TVP23A: variants seen among roughly 807,000 people sequenced by gnomAD.
The protein encoded by TVP23A is trans-golgi network vesicle protein 23 homolog A, also known as Golgi apparatus membrane protein TVP23 homolog A.
A neutral mutation model predicts 31.7 loss-of-function variants in TVP23A; 21 were observed. That is an observed-to-expected ratio of 0.66 (90% CI 0.47 to 0.95). TVP23A has a LOEUF of 0.95. TVP23A is among the 40% of genes least tolerant of loss of function. The probability of loss-of-function intolerance (pLI) is 0.00; values close to 1 mark genes in which losing one functional copy is unlikely to be tolerated. For missense variants in TVP23A, 279 were observed against 255.6 expected (o/e 1.09, Z -0.62); for synonymous variants, 104 against 96.0 (o/e 1.08, Z -0.49).
At chr16:10,816,156 G>A (rs1039717257) in intron 2 of TVP23A, among the ~76,000 whole-genome samples, 1 of 146,868 alleles carries the variant, frequency 6.8e-6, no homozygotes, top group African/African-American at 2.5e-5. Context: ...GAACCCAAAA[G>A]TTTGAGGTTC....
At chr16:10,783,631 G>A (rs575017335) in intron 2 of TVP23A, among the ~76,000 whole-genome samples, 24 of 152,084 alleles carry the variant, frequency 1.6e-4, no homozygotes, top group Admixed American at 6.5e-4. Context: ...AGCCAAGATC[G>A]CACCACTGCA....
At chr16:10,782,194 T>C (rs1422985033) in intron 2 of TVP23A, among the ~76,000 whole-genome samples, 1 of 152,024 alleles carries the variant, frequency 6.6e-6, no homozygotes, top group African/African-American at 2.4e-5. Context: ...TCAGCTGTCA[T>C]CAGACCCTCA....
intron 2 of TVP23A, among the ~76,000 whole-genome samples, chr16:10,802,480 A>G (rs2033749085): frequency 6.6e-6 from 1 of 151,950 alleles, no homozygotes; most frequent in Non-Finnish European, 1.5e-5. Flanking sequence ...GGGTTTTGCC[A>G]TGTTGGCCAG....
chr16:10,818,204 G>A lies in TVP23A; in HGVS notation c.10-22C>T, dbSNP rs749265617. ...GGGCCTGGGAGGAGAGCAAGGGCAG[G>A]TGGCAGGCCCAAGCACGGCGCACAC... On this transcript the variant is annotated intron_variant, in intron 1 of 7. Transcript: ENST00000299866. This position sits in a 1 kb window ranked among gnomAD's most constrained non-coding sequence, Gnocchi z 4.7. 8.8e-6 allele frequency: 14 copies of A among 1,587,344 alleles called. No individual in the cohort carries two copies. The East Asian group carries it at 2.3e-4, about 26-fold the overall frequency.
In TVP23A at chr16:10,818,760, C is replaced by T. The variant is rs896912542; in HGVS notation, c.-267G>A. On this transcript the variant is annotated 5_prime_UTR_variant, in exon 1 of 8. Coordinates refer to ENST00000299866, the MANE Select transcript of TVP23A (RefSeq NM_001079512.4). This position sits in a 1 kb window ranked among gnomAD's most constrained non-coding sequence, Gnocchi z 4.7. ...GAAAGCGGCGGCAGGGAGGCAACGGCCTGGGGAACTGCGGACAGAGATAGT... is the reference window on the plus strand; with the variant it reads ...GAAAGCGGCGGCAGGGAGGCAACGGTCTGGGGAACTGCGGACAGAGATAGT... 3.3e-5 allele frequency: 16 copies of T among 485,708 alleles called. No individual in the cohort carries two copies. Among genetic ancestry groups the T allele is most frequent in the Non-Finnish European group, 5.0e-5 (14 of 279,604 alleles). 30.1% of individuals were successfully genotyped at this position (485,708 alleles called of 1,614,324 possible).
In TVP23A at chr16:10,818,052, A is replaced by G; in HGVS notation, c.89+51T>C. On this transcript the variant is annotated intron_variant, in intron 2 of 7. Coordinates refer to ENST00000299866, the MANE Select transcript of TVP23A (RefSeq NM_001079512.4). The surrounding 1 kb of genome is among the most constrained non-coding windows in gnomAD (Gnocchi z 4.7). ...TTTGAATGAATGAGTGAGTAAATGAATGAATTTGCAGCTTTGGGGAACGCC... is the reference window on the plus strand; with the variant it reads ...TTTGAATGAATGAGTGAGTAAATGAGTGAATTTGCAGCTTTGGGGAACGCC... The G allele has an allele frequency of 6.9e-7, 1 of 1,457,944 alleles. No individual in the cohort carries two copies. Among genetic ancestry groups the G allele is most frequent in the East Asian group, 2.4e-5 (1 of 42,214 alleles). 90.3% of individuals were successfully genotyped at this position (1,457,944 alleles called of 1,614,324 possible). A position where few individuals can be genotyped will look rare whatever the true frequency, so the allele number is the denominator to read the frequency against.
downstream of TVP23A, among the ~76,000 whole-genome samples, chr16:10,763,328 G>T (rs1335364766): frequency 6.6e-6 from 1 of 152,052 alleles, no homozygotes; most frequent in South Asian, 2.1e-4. Context: ...AGTGTTGGGG[G>T]ATGGCTGCCT....
intron 2 of TVP23A, among the ~76,000 whole-genome samples, chr16:10,776,268 G>A (rs549097282): frequency 5.1e-4 from 77 of 151,982 alleles, no homozygotes; most frequent in African/African-American, 1.6e-3. Flanking sequence ...CCAGCTACTC[G>A]GAAGGCTGAG....
Position 10,766,933 on chromosome 16 carries a change from C to A in TVP23A, c.*2169G>T. The A allele has an allele frequency of 2.5e-6, 1 of 398,668 alleles. No individual in the cohort carries two copies. The highest frequency in any genetic ancestry group is 1.3e-4 in the South Asian group (1 of 7,852). The allele number at this position is 398,668 out of a possible 1,614,324, so 24.7% of individuals were successfully genotyped here. The stretch of plus-strand genomic sequence containing the variant: ...GCCTTATGTTCCCTGCCTCTGGACC[C>A]TATTTTCCTGACTCACTGGGCCATA... On this transcript the variant is annotated 3_prime_UTR_variant, in exon 8 of 8. Transcript: ENST00000299866. This position sits in a 1 kb window ranked among gnomAD's most constrained non-coding sequence, Gnocchi z 4.8.
At chr16:10,803,284 T>TGTGTGTGTGTGA (rs1331514550) in intron 2 of TVP23A, among the ~76,000 whole-genome samples, 6 of 150,980 alleles carry the variant, frequency 4.0e-5, no homozygotes, top group African/African-American at 1.2e-4. Context: ...TGTGTGTGTG[T>TGTGTGTGTGTGA]GTCAGAGTCT....
At position 10,774,035 on chromosome 16, in the gene TVP23A, A is replaced by G. The variant is rs2142891012; in HGVS notation, c.324+4T>C. 1.2e-6 allele frequency: 2 copies of G among 1,608,826 alleles called. No homozygotes were observed. The highest frequency in any genetic ancestry group is 1.7e-6 in the Non-Finnish European group (2 of 1,177,308). ...TGGTTAGTTCAGCTCGTCATGGAGA[A>G]TACCTTCCTGGCTTCAAAGATCCAG... On this transcript the variant is annotated splice_donor_region_variant and intron_variant, in intron 4 of 7. Transcript: ENST00000299866.
chr16:10,809,281 G>A (rs116692745), intron 2 of TVP23A, among the ~76,000 whole-genome samples: 1,765 of 152,358 alleles, frequency 0.012, 39 homozygotes, highest in African/African-American at 0.04. Flanking sequence ...AGGTCACTGT[G>A]AGTCAAGGGT....
chr16:10,798,801 T>A (rs2033543801), intron 2 of TVP23A, among the ~76,000 whole-genome samples: 1 of 152,078 alleles, frequency 6.6e-6, no homozygotes, highest in Non-Finnish European at 1.5e-5. Flanking sequence ...GTAGCTGAGA[T>A]TACAGGCACA....
intron 2 of TVP23A, among the ~76,000 whole-genome samples, chr16:10,790,653 T>C (rs2033054535): frequency 6.6e-6 from 1 of 152,144 alleles, no homozygotes; most frequent in African/African-American, 2.4e-5. Flanking sequence ...GATTGGAAAG[T>C]AAGTCACGAT....
chr16:10,803,840 C>CTACAGGACATGGGG (rs1010625091), intron 2 of TVP23A, among the ~76,000 whole-genome samples: 2 of 152,040 alleles, frequency 1.3e-5, no homozygotes, highest in Admixed American at 1.3e-4. Flanking sequence ...AGATTAGGAT[C>CTACAGGACATGGGG]TACAGGACAT....
chr16:10,767,659 C>G lies in TVP23A; in HGVS notation c.*1443G>C. The G allele has an allele frequency of 2.3e-6, 1 of 432,738 alleles. No homozygotes were observed. Among genetic ancestry groups the G allele is most frequent in the East Asian group, 3.6e-5 (1 of 27,420 alleles). 26.8% of individuals were successfully genotyped at this position (432,738 alleles called of 1,614,324 possible). On this transcript the variant is annotated 3_prime_UTR_variant, in exon 8 of 8. Coordinates refer to ENST00000299866, the MANE Select transcript of TVP23A (RefSeq NM_001079512.4). This position sits in a 1 kb window ranked among gnomAD's most constrained non-coding sequence, Gnocchi z 4.6. The stretch of plus-strand genomic sequence containing the variant: ...ACTCAAAAGCTAATCTCTTAAAATG[C>G]AGACTCCTGGGCCCATGTGGAAGCT...
At chr16:10,762,407 C>T (rs1390999538), downstream of TVP23A, among the ~76,000 whole-genome samples, 1 of 152,222 alleles carries the variant, frequency 6.6e-6, no homozygotes, top group Non-Finnish European at 1.5e-5. Flanking sequence ...TGCCCACTCC[C>T]TGAGTGGCCC....
chr16:10,774,604 CTCTT>C (rs1555478779), intron 3 of TVP23A, among the ~76,000 whole-genome samples: 1 of 145,886 alleles, frequency 6.9e-6, no homozygotes, highest in Non-Finnish European at 1.5e-5. Flanking sequence ...CTCATTCTCT[CTCTT>C]TTTTTTTTTT....
At chr16:10,769,674 G>C (rs564811625) in intron 7 of TVP23A, among the ~76,000 whole-genome samples, 1 of 152,306 alleles carries the variant, frequency 6.6e-6, no homozygotes, top group South Asian at 2.1e-4. Flanking sequence ...AAGAGTCCTT[G>C]AATCACCCAG....
Sources: allele counts gnomAD v4.1 joint callset (sites outside exome capture counted in the v4.1 genomes callset), GRCh38; gene constraint gnomAD v4.1.1; non-coding constraint Gnocchi (gnomAD v3.1); transcripts MANE v1.5; gene names NCBI Gene and HGNC (gene_info 2026-07-23, HGNC 2026-07-21).